EFHC2: variants seen among roughly 807,000 people sequenced by gnomAD.
EFHC2 encodes the protein EF-hand domain containing 2.
In EFHC2, 18 loss-of-function variants were observed where a neutral mutation model predicts 52.7. The observed-to-expected ratio is 0.34, with a 90% confidence interval of 0.24 to 0.51. The LOEUF (loss-of-function observed/expected upper bound fraction) is 0.51, where lower values mean the gene tolerates loss of function less well. EFHC2 is among the 20% of genes least tolerant of loss of function. The probability of loss-of-function intolerance (pLI) is 0.97; values close to 1 mark genes in which losing one functional copy is unlikely to be tolerated. For synonymous variants in EFHC2, 203 were observed against 204.1 expected (o/e 0.99, Z 0.04); for missense variants, 513 against 562.5 (o/e 0.91, Z 0.89).
chrX:44,183,970 C>T (rs910550580), intron 11 of EFHC2, among the ~76,000 whole-genome samples: 4 of 112,403 alleles, frequency 3.6e-5, no homozygotes, highest in Non-Finnish European at 7.5e-5. Flanking sequence ...TGGTAAACTA[C>T]TCAACTTCTC....
At chrX:44,252,033 A>G (rs778692923) in intron 4 of EFHC2, among the ~76,000 whole-genome samples, 3 of 112,184 alleles carry the variant, frequency 2.7e-5, no homozygotes, top group African/African-American at 9.7e-5. Flanking sequence ...GTAAAAGGGA[A>G]GAAATATATT....
At chrX:44,181,964 T>C (rs1231553721) in intron 11 of EFHC2, among the ~76,000 whole-genome samples, 1 of 112,615 alleles carries the variant, frequency 8.9e-6, no homozygotes, top group East Asian at 2.8e-4. Context: ...GCATAAAATT[T>C]GCCATTTGTG....
At chrX:44,268,367 T>C (rs982216692) in intron 3 of EFHC2, among the ~76,000 whole-genome samples, 7 of 111,731 alleles carry the variant, frequency 6.3e-5, no homozygotes, top group African/African-American at 2.3e-4. Context: ...TCCAAGATTC[T>C]AAAAGAAGCT....
At chrX:44,307,381 G>A (rs2037913726) in intron 2 of EFHC2, among the ~76,000 whole-genome samples, 1 of 111,658 alleles carries the variant, frequency 9.0e-6, no homozygotes, top group Non-Finnish European at 1.9e-5. Flanking sequence ...TCATTTTAAT[G>A]TTGTACAAGT....
intron 2 of EFHC2, among the ~76,000 whole-genome samples, chrX:44,275,785 A>T (rs1331376420): frequency 9.2e-6 from 1 of 108,286 alleles, no homozygotes; most frequent in Non-Finnish European, 1.9e-5. Flanking sequence ...GTGCTGGCAC[A>T]TGCTTGTAAT....
intron 11 of EFHC2, among the ~76,000 whole-genome samples, chrX:44,184,592 G>A (rs1404368229): frequency 9.9e-5 from 11 of 110,610 alleles, no homozygotes; most frequent in African/African-American, 3.6e-4. Context: ...GCATGGTGGC[G>A]CACGCCTGTA....
At chrX:44,242,033 G>A (rs914132050) in intron 8 of EFHC2, 88 bp downstream of exon 8, 36 of 917,424 alleles carry the variant, frequency 3.9e-5, no homozygotes, top group Non-Finnish European at 4.6e-5. Context: ...GATGAGCTGC[G>A]TGACATCTGT....
chrX:44,191,790 C>A (rs1409835015), intron 11 of EFHC2, among the ~76,000 whole-genome samples: 1 of 111,820 alleles, frequency 8.9e-6, no homozygotes, highest in Non-Finnish European at 1.9e-5. Flanking sequence ...TTAGGTTCTG[C>A]AATTCCATTT....
intron 14 of EFHC2, among the ~76,000 whole-genome samples, chrX:44,153,970 G>T (rs1430477705): frequency 1.8e-5 from 2 of 112,442 alleles, no homozygotes; most frequent in East Asian, 5.6e-4. Flanking sequence ...ATAACTGCGT[G>T]GTACTTTTAC....
Position 44,148,717 on chromosome X carries a change from A to T in EFHC2, c.*78T>A, listed in dbSNP as rs1475300514. 5 of 832,787 alleles carry T rather than the reference A, an allele frequency of 6.0e-6. No homozygotes were observed. Among genetic ancestry groups the T allele is most frequent in the African/African-American group, 2.1e-5 (1 of 47,530 alleles). 68.6% of individuals were successfully genotyped at this position (832,787 alleles called of 1,213,427 possible). A position where few individuals can be genotyped will look rare whatever the true frequency, so the allele number is the denominator to read the frequency against. On this transcript the variant is annotated 3_prime_UTR_variant, in exon 15 of 15. Transcript: ENST00000420999. ...TAAACCTTGTTTCTTTTTTGTTTTT[A>T]ATGAAATTATATCTACTAAAGTAAA...
chrX:44,198,665 G>A (rs906833024), intron 11 of EFHC2, among the ~76,000 whole-genome samples: 1 of 111,305 alleles, frequency 9.0e-6, no homozygotes, highest in Admixed American at 9.6e-5. Flanking sequence ...AGATGAACAA[G>A]CTAATAGGTG....
intron 1 of EFHC2, among the ~76,000 whole-genome samples, chrX:44,338,749 A>C (rs1224265828): frequency 2.8e-5 from 3 of 105,875 alleles, no homozygotes; most frequent in African/African-American, 1.0e-4. Flanking sequence ...AAAGCTGGTC[A>C]TGATTCATTA....
intron 11 of EFHC2, among the ~76,000 whole-genome samples, chrX:44,211,183 T>C (rs2037092060): frequency 8.9e-6 from 1 of 112,112 alleles, no homozygotes; most frequent in Admixed American, 9.4e-5. Flanking sequence ...GTAAAGGTAC[T>C]AGAACTCTCC....
chrX:44,274,933 T>C (rs1296940863), intron 2 of EFHC2, among the ~76,000 whole-genome samples: 1 of 111,120 alleles, frequency 9.0e-6, no homozygotes, highest in Non-Finnish European at 1.9e-5. Flanking sequence ...GAAAAAAAGA[T>C]GTTGGAACAC....
chrX:44,195,620 T>C (rs941498165), intron 11 of EFHC2, among the ~76,000 whole-genome samples: 2 of 111,881 alleles, frequency 1.8e-5, no homozygotes, highest in African/African-American at 3.3e-5. Flanking sequence ...CCTCAGAAAG[T>C]TGGACACCTG....
chrX:44,187,910 A>T (rs2036889002), intron 11 of EFHC2, among the ~76,000 whole-genome samples: 1 of 110,682 alleles, frequency 9.0e-6, no homozygotes, highest in African/African-American at 3.3e-5. Flanking sequence ...GCAATGGAAT[A>T]TCCTTTCAAA....
intron 1 of EFHC2, among the ~76,000 whole-genome samples, chrX:44,325,283 G>A (rs2038045181): frequency 9.0e-6 from 1 of 111,457 alleles, no homozygotes; most frequent in Admixed American, 9.6e-5. Flanking sequence ...AAGATGGCAT[G>A]GCAACCTGCC....
chrX:44,212,535 C>T (rs980007415), intron 11 of EFHC2, among the ~76,000 whole-genome samples: 41 of 109,764 alleles, frequency 3.7e-4, no homozygotes, highest in African/African-American at 1.4e-3. Flanking sequence ...TCCAGACATC[C>T]GGTCCCATCT....
intron 2 of EFHC2, among the ~76,000 whole-genome samples, chrX:44,275,861 C>A (rs978806863): frequency 1.9e-5 from 2 of 106,545 alleles, no homozygotes; most frequent in African/African-American, 6.9e-5. Context: ...TTGCAGTGAG[C>A]CGAGATGGTG....
Sources: gnomAD v4.1 joint callset for allele counts (sites outside exome capture counted in the v4.1 genomes callset) on GRCh38, gnomAD v4.1.1 for gene constraint, MANE v1.5 for transcripts, NCBI Gene and HGNC (gene_info 2026-07-23, HGNC 2026-07-21) for gene names.